USP43: variants seen among roughly 807,000 people sequenced by gnomAD.
USP43 encodes the protein ubiquitin carboxyl-terminal hydrolase 43.
In USP43, 33 loss-of-function variants were observed where a neutral mutation model predicts 90.7. The observed-to-expected ratio is 0.36, with a 90% CI of 0.28 to 0.49. The LOEUF (loss-of-function observed/expected upper bound fraction) is 0.49, where lower values mean the gene tolerates loss of function less well. Ranked by LOEUF, USP43 falls within the 20% of genes least tolerant of loss-of-function variation. USP43 has a pLI of 0.98. For synonymous variants in USP43, 598 were observed against 615.8 expected (o/e 0.97, Z 0.43); for missense variants, 1,274 against 1,476.4 (o/e 0.86, Z 2.25).
intron 10 of USP43, among the ~76,000 whole-genome samples, chr17:9,700,856 G>A (rs1216759143): frequency 6.6e-6 from 1 of 152,196 alleles, no homozygotes; most frequent in African/African-American, 2.4e-5. Context: ...ACTTCTAGGT[G>A]CCAGGCCCTG....
intron 1 of USP43, among the ~76,000 whole-genome samples, chr17:9,650,221 A>G (rs1358929492): frequency 1.3e-5 from 2 of 152,246 alleles, no homozygotes; most frequent in Non-Finnish European, 2.9e-5. Flanking sequence ...AAATGGAATT[A>G]CATAGTCAAA....
Position 9,701,693 on chromosome 17 carries a change from T to A in USP43, c.2004T>A (p.His668Gln). 1 of 1,554,424 alleles carries A rather than the reference T, an allele frequency of 6.4e-7. No individual in the cohort carries two copies. Among genetic ancestry groups the A allele is most frequent in the Non-Finnish European group, 8.7e-7 (1 of 1,148,298 alleles). Residue 668 changes from histidine (H) to glutamine (Q), a missense_variant, in exon 12 of 15, where the codon CAT becomes CAA. Around this residue, in one of 6 missense-constraint regions of USP43, gnomAD observed 285 missense variants for 349.6 expected, o/e 0.82. Coordinates refer to ENST00000285199, the MANE Select transcript of USP43 (RefSeq NM_153210.5). This position sits in a 1 kb window ranked among gnomAD's most constrained non-coding sequence, Gnocchi z 7.2. ...ACCATGGCAACCTGCAAGGTGGGCA[T>A]TACACAGGTGAGCCTTGCCTTGCCT... ...CNHHGNLQGGHYTAYCRNSLD... is the reference protein window; with the variant it reads ...CNHHGNLQGGQYTAYCRNSLD...
intron 8 of USP43, among the ~76,000 whole-genome samples, chr17:9,691,119 T>C (rs1244832419): frequency 8.3e-6 from 1 of 121,054 alleles, no homozygotes; most frequent in African/African-American, 4.2e-5. Flanking sequence ...TTTTTTTTTT[T>C]TTCTTTTTTT....
At position 9,700,155 on chromosome 17, in the gene USP43, C is replaced by T. The variant is rs1376569258; in HGVS notation, c.1458-17C>T. 3 of 1,590,300 alleles carry T rather than the reference C, an allele frequency of 1.9e-6. No individual in the cohort carries two copies. Among genetic ancestry groups the T allele is most frequent in the Non-Finnish European group, 2.6e-6 (3 of 1,168,558 alleles). On this transcript the variant is annotated splice_polypyrimidine_tract_variant and intron_variant, in intron 9 of 14. Transcript: ENST00000285199. ...AGGCCCCGTGTTTTCTGATGGGCTC[C>T]CTTGTTCTCTTCTCAGGGTTTTGCA...
chr17:9,680,446 A>G (rs890516555), intron 6 of USP43, 80 bp downstream of exon 6: 18 of 1,508,924 alleles, frequency 1.2e-5, no homozygotes, highest in Admixed American at 3.8e-5. Flanking sequence ...GTGCAAAGGC[A>G]TAAAACATCC....
rs1470439552 is a variant in USP43 at position 9,729,527 on chromosome 17, T to A, written c.*537T>A. ...GATTCTAGCAAAGAGAGATGGGAGA[T>A]AAATGGCTGAGAGTTCAGGTGAATA... is the stretch of plus-strand genomic sequence containing the variant. On this transcript the variant is annotated 3_prime_UTR_variant, in exon 15 of 15. Transcript: ENST00000285199. 6.6e-6 allele frequency: 1 copy of A among 151,490 alleles called. No homozygotes were observed. The highest frequency in any genetic ancestry group is 1.5e-5 in the Non-Finnish European group (1 of 67,892). The allele number at this position is 151,490 out of a possible 1,614,324, so 9.4% of individuals were successfully genotyped here.
At chr17:9,671,639 G>C (rs918394161) in intron 3 of USP43, among the ~76,000 whole-genome samples, 1 of 152,208 alleles carries the variant, frequency 6.6e-6, no homozygotes, top group African/African-American at 2.4e-5. Context: ...TTTGTTAACA[G>C]AAGCAATTTG....
chr17:9,703,867 G>A (rs1380310902), intron 12 of USP43, among the ~76,000 whole-genome samples: 1 of 152,186 alleles, frequency 6.6e-6, no homozygotes, highest in Non-Finnish European at 1.5e-5. Flanking sequence ...AGCCATGTAG[G>A]GTATTGTAGA....
chr17:9,651,491 A>ATTTT (rs1377906849), intron 1 of USP43, among the ~76,000 whole-genome samples: 1 of 152,094 alleles, frequency 6.6e-6, no homozygotes, highest in Non-Finnish European at 1.5e-5. Context: ...CTTTGGTCTC[A>ATTTT]ATGTTTTTAT....
chr17:9,681,471 T>C (rs1440028539), intron 6 of USP43, among the ~76,000 whole-genome samples: 2 of 16,522 alleles, frequency 1.2e-4, no homozygotes, highest in Admixed American at 1.7e-3. Context: ...ATTATATATA[T>C]ATATATATAT....
intron 2 of USP43, among the ~76,000 whole-genome samples, chr17:9,666,186 C>G (rs1385740114): frequency 6.6e-6 from 1 of 152,148 alleles, no homozygotes; most frequent in East Asian, 1.9e-4. Flanking sequence ...AGAGAATACT[C>G]ATGTGAAACT....
chr17:9,701,252 C>T lies in USP43; in HGVS notation c.1662+7C>T, dbSNP rs1295105502. 2.5e-6 allele frequency: 4 copies of T among 1,606,512 alleles called. No homozygotes were observed. The highest frequency in any genetic ancestry group is 1.7e-5 in the Admixed American group (1 of 59,288). Reference sequence around the variant, plus strand: ...CTACACCAAGGAGGAGCAGGTCCCGCCCTGGGGGTCCATGCCCCGGCCGGG... The same window carrying T: ...CTACACCAAGGAGGAGCAGGTCCCGTCCTGGGGGTCCATGCCCCGGCCGGG... On this transcript the variant is annotated splice_region_variant and intron_variant, in intron 11 of 14. Coordinates refer to ENST00000285199, the MANE Select transcript of USP43 (RefSeq NM_153210.5). This position sits in a 1 kb window ranked among gnomAD's most constrained non-coding sequence, Gnocchi z 7.2.
chr17:9,690,701 A>G (rs930629515), intron 8 of USP43, among the ~76,000 whole-genome samples: 16 of 152,222 alleles, frequency 1.1e-4, no homozygotes, highest in Admixed American at 2.0e-4. Context: ...CCTGGCCAAC[A>G]TGGTGAAACC....
intron 6 of USP43, among the ~76,000 whole-genome samples, 178 bp from the exon 7 acceptor site, chr17:9,682,645 G>A (rs993207774): frequency 6.6e-6 from 1 of 152,140 alleles, no homozygotes; most frequent in South Asian, 2.1e-4. Context: ...CGTATGCCAG[G>A]CGTCAGATGG....
At chr17:9,657,373 G>A (rs1330523223) in intron 2 of USP43, among the ~76,000 whole-genome samples, 1 of 151,966 alleles carries the variant, frequency 6.6e-6, no homozygotes, top group Non-Finnish European at 1.5e-5. Flanking sequence ...CAGGTGTGGT[G>A]GCATGCTCCT....
intron 14 of USP43, among the ~76,000 whole-genome samples, chr17:9,715,771 G>C (rs550631165): frequency 1.4e-5 from 2 of 142,256 alleles, no homozygotes; most frequent in Non-Finnish European, 3.0e-5. Context: ...GCGTGTTTGT[G>C]TCTATGTGTG....
chr17:9,650,698 C>A (rs180999534), intron 1 of USP43, among the ~76,000 whole-genome samples: 2 of 152,186 alleles, frequency 1.3e-5, no homozygotes, highest in Admixed American at 6.5e-5. Flanking sequence ...GGCCAACATA[C>A]CTATGTTTTT....
At chr17:9,706,194 C>T (rs999005203) in intron 12 of USP43, among the ~76,000 whole-genome samples, 5 of 152,178 alleles carry the variant, frequency 3.3e-5, no homozygotes, top group South Asian at 4.1e-4. Flanking sequence ...AATTATTAGT[C>T]TTTTTCCCAT....
chr17:9,648,959 C>T (rs1300093701), intron 1 of USP43, among the ~76,000 whole-genome samples: 2 of 150,928 alleles, frequency 1.3e-5, no homozygotes, highest in African/African-American at 2.4e-5. Flanking sequence ...CTCTCTCTCT[C>T]CCTCCCTCCC....
Sources: gnomAD v4.1 joint callset for allele counts (sites outside exome capture counted in the v4.1 genomes callset) on GRCh38, gnomAD v4.1.1 for gene constraint, gnomAD v4.1.1 regional missense constraint, Gnocchi (gnomAD v3.1) non-coding constraint, MANE v1.5 for transcripts, NCBI Gene and HGNC (gene_info 2026-07-23, HGNC 2026-07-21) for gene names.